Variants in CORIN observed in about 807,000 individuals in gnomAD.
CORIN encodes the protein atrial natriuretic peptide-converting enzyme.
In CORIN, 117 loss-of-function variants were observed where a neutral mutation model predicts 125.3. The ratio of observed to expected loss-of-function variants is 0.93; its 90% CI spans 0.80 to 1.09. CORIN has a LOEUF of 1.09. Among genes scored for constraint, CORIN ranks in the 50% least tolerant of loss-of-function variants. CORIN has a pLI of 0.00. For synonymous variants in CORIN, 450 were observed against 466.4 expected (o/e 0.96, Z 0.45); for missense variants, 1,253 against 1,306.7 (o/e 0.96, Z 0.63).
At chr4:47,831,975 G>A (rs1420502244) in intron 1 of CORIN, among the ~76,000 whole-genome samples, 1 of 152,214 alleles carries the variant, frequency 6.6e-6, no homozygotes. Context: ...CCTACGTAGT[G>A]AGGTGGAGTA....
At chr4:47,777,528 G>A (rs61764279) in intron 3 of CORIN, among the ~76,000 whole-genome samples, 61 of 152,276 alleles carry the variant, frequency 4.0e-4, no homozygotes, top group Admixed American at 3.9e-4. Context: ...CTACTCGGGA[G>A]GCTGAGGCAG....
chr4:47,613,618 C>T (rs1160797528), intron 19 of CORIN, among the ~76,000 whole-genome samples: 1 of 151,492 alleles, frequency 6.6e-6, no homozygotes, highest in Non-Finnish European at 1.5e-5. Context: ...CCATGGAATA[C>T]TATGCAGCCA....
chr4:47,739,582 C>T lies in CORIN; in HGVS notation c.799+4820G>A, dbSNP rs377162579. 1.6e-4 allele frequency among the ~76,000 whole-genome samples: 24 copies of T among 151,982 alleles called. 1 individual carries two copies. In the South Asian group the frequency reaches 2.5e-3, roughly 16 times the overall value. ...TGGGATAAAATAAAAGGACAGTATA[C>T]AGCAACTTGAATCCATATGAAGAAA... On this transcript the variant is annotated intron_variant, in intron 5 of 21. Transcript: ENST00000273857.
At chr4:47,627,318 A>T (rs145580699) in intron 16 of CORIN, among the ~76,000 whole-genome samples, 1 of 151,764 alleles carries the variant, frequency 6.6e-6, no homozygotes, top group African/African-American at 2.4e-5. Flanking sequence ...TTGTAATCAC[A>T]TAATAGAAAA....
At chr4:47,747,321 C>T (rs1681360956) in intron 4 of CORIN, among the ~76,000 whole-genome samples, 1 of 152,006 alleles carries the variant, frequency 6.6e-6, no homozygotes, top group African/African-American at 2.4e-5. Context: ...TAAAAGAAGA[C>T]TGCTCACTGG....
intron 17 of CORIN, among the ~76,000 whole-genome samples, chr4:47,624,321 G>T (rs7658542): frequency 0.27 from 40,816 of 151,876 alleles, 5,605 homozygotes; most frequent in Admixed American, 0.35. Context: ...AGTTCTCAAG[G>T]GGAGATGGGA....
chr4:47,738,981 G>A (rs375121568), intron 5 of CORIN, among the ~76,000 whole-genome samples: 46 of 151,510 alleles, frequency 3.0e-4, no homozygotes, highest in Admixed American at 2.1e-3. Flanking sequence ...GAGAAAATCC[G>A]CAAACTTTAA....
rs1721235065 is a variant in CORIN, at chr4:47,595,982, T to G, written c.2947-79A>C. On this transcript the variant is annotated intron_variant, in intron 21 of 21. Coordinates refer to ENST00000273857, the MANE Select transcript of CORIN (RefSeq NM_006587.4). The stretch of plus-strand genomic sequence containing the variant: ...TGTCCATGCTATCCTGAGGATACTA[T>G]AAAGCTAAACCCAGATTAACCAACT... The G allele has an allele frequency of 3.3e-6, 4 of 1,209,000 alleles. No individual in the cohort carries two copies. In the Admixed American group the frequency reaches 7.8e-5, roughly 24 times the overall value. 74.9% of individuals were successfully genotyped at this position (1,209,000 alleles called of 1,614,324 possible). A position where few individuals can be genotyped will look rare whatever the true frequency, so the allele number is the denominator to read the frequency against.
intron 5 of CORIN, chr4:47,706,877 C>G: frequency 1.3e-6 from 2 of 1,598,916 alleles, no homozygotes; most frequent in Middle Eastern, 2.0e-4. Context: ...ATCTGCAGGC[C>G]GAAAGAGCCG....
chr4:47,757,869 T>C (rs1286161421), intron 4 of CORIN, among the ~76,000 whole-genome samples: 2 of 97,178 alleles, frequency 2.1e-5, no homozygotes, highest in Non-Finnish European at 4.2e-5. Context: ...TATATATACA[T>C]ATATATATGT....
chr4:47,834,575 T>G (rs1166931206), intron 1 of CORIN, among the ~76,000 whole-genome samples: 3 of 152,062 alleles, frequency 2.0e-5, no homozygotes, highest in African/African-American at 4.8e-5. Context: ...ACTTAAAAAT[T>G]TGCTAGGTGG....
chr4:47,752,777 T>A (rs1728960003), intron 4 of CORIN, among the ~76,000 whole-genome samples: 1 of 150,764 alleles, frequency 6.6e-6, no homozygotes, highest in Admixed American at 6.6e-5. Context: ...AATATAAAAG[T>A]CCATACTCTT....
intron 2 of CORIN, among the ~76,000 whole-genome samples, chr4:47,794,594 C>T (rs1374649895): frequency 6.6e-6 from 1 of 152,036 alleles, no homozygotes; most frequent in African/African-American, 2.4e-5. Context: ...ATATTTAAAA[C>T]CAAGTCTTCG....
At chr4:47,787,831 T>A (rs1480318205) in intron 2 of CORIN, among the ~76,000 whole-genome samples, 1 of 152,230 alleles carries the variant, frequency 6.6e-6, no homozygotes, top group Non-Finnish European at 1.5e-5. Context: ...ATTGTGTCAT[T>A]CTTATGCCTT....
At chr4:47,702,970 C>T (rs1372914101) in intron 5 of CORIN, among the ~76,000 whole-genome samples, 1 of 151,868 alleles carries the variant, frequency 6.6e-6, no homozygotes. Flanking sequence ...GCAGAACGTG[C>T]AGGTTTGTTA....
chr4:47,641,627 G>T (rs1051367671), intron 16 of CORIN, among the ~76,000 whole-genome samples: 1 of 151,940 alleles, frequency 6.6e-6, no homozygotes, highest in African/African-American at 2.4e-5. Flanking sequence ...ATTCCTCAAA[G>T]GAAATGATTG....
intron 3 of CORIN, among the ~76,000 whole-genome samples, chr4:47,767,957 T>C (rs921123778): frequency 1.3e-5 from 2 of 152,232 alleles, no homozygotes; most frequent in Non-Finnish European, 1.5e-5. Context: ...TAAGCCATCA[T>C]ATCCCCTGTG....
At chr4:47,738,265 A>G (rs1455918942) in intron 5 of CORIN, among the ~76,000 whole-genome samples, 1 of 152,162 alleles carries the variant, frequency 6.6e-6, no homozygotes, top group Non-Finnish European at 1.5e-5. Flanking sequence ...TTTAAGGATA[A>G]GGCAGAGCTG....
intron 5 of CORIN, among the ~76,000 whole-genome samples, chr4:47,709,988 TG>T (rs1419768364): frequency 6.6e-6 from 1 of 152,242 alleles, no homozygotes; most frequent in African/African-American, 2.4e-5. Context: ...ATGAGTCTCA[TG>T]GAACAATTTT....
Sources: gnomAD v4.1 joint callset for allele counts (sites outside exome capture counted in the v4.1 genomes callset) on GRCh38, gnomAD v4.1.1 for gene constraint, MANE v1.5 for transcripts, NCBI Gene and HGNC (gene_info 2026-07-23, HGNC 2026-07-21) for gene names.